Variants in PRKDC observed in about 807,000 individuals in gnomAD.
PRKDC encodes DNA-dependent protein kinase catalytic subunit.
PRKDC carries 82 observed loss-of-function variants against 486.9 expected under a neutral mutation model. The ratio of observed to expected loss-of-function variants is 0.17; its 90% CI spans 0.14 to 0.20. The LOEUF (loss-of-function observed/expected upper bound fraction) is 0.20. Ranked by LOEUF, PRKDC falls within the 10% of genes least tolerant of loss-of-function variation. The pLI, the probability that PRKDC is intolerant of heterozygous loss-of-function variation, is 1.00. For missense variants in PRKDC, 4,504 were observed against 5,038.2 expected (o/e 0.89, Z 3.21); for synonymous variants, 1,895 against 1,837.0 (o/e 1.03, Z -0.81).
At chr8:47,946,321 A>T (rs903841171) in intron 7 of PRKDC, among the ~76,000 whole-genome samples, 1 of 152,060 alleles carries the variant, frequency 6.6e-6, no homozygotes, top group Non-Finnish European at 1.5e-5. Context: ...TGCCTCAAAA[A>T]AAAACCCCTC....
intron 73 of PRKDC, 51 bp downstream of exon 73, chr8:47,798,186 T>A: frequency 6.4e-7 from 1 of 1,566,726 alleles, no homozygotes; most frequent in Non-Finnish European, 8.7e-7. Context: ...AATAAGCGTA[T>A]CTTTAAGTTC....
Position 47,864,630 on chromosome 8 carries a change from G to T in PRKDC, c.5497C>A (p.Leu1833Met). The T allele has an allele frequency of 6.2e-7, 1 of 1,609,886 alleles. No homozygotes were observed. Among genetic ancestry groups the T allele is most frequent in the Non-Finnish European group, 8.5e-7 (1 of 1,178,216 alleles). ...CTGAAGAATTCTCTCAAAGCATCCA[G>T]GCTACAGTGCCACAGCAGAGTGAGG... ...SLLTLLWHCS[L>M]DALREFFSTI... is the part of the protein sequence containing the mutation. Residue 1833 changes from leucine (L) to methionine (M), a missense_variant, in exon 41 of 86, where the codon CTG becomes ATG. Around this residue, in one of 6 missense-constraint regions of PRKDC, gnomAD observed 1,969 missense variants for 2,068.9 expected, o/e 0.95. Transcript: ENST00000314191.
At chr8:47,941,612 C>A (rs1281682559) in intron 10 of PRKDC, among the ~76,000 whole-genome samples, 2 of 152,208 alleles carry the variant, frequency 1.3e-5, no homozygotes, top group African/African-American at 4.8e-5. Flanking sequence ...TTGGTACTTT[C>A]TTCATCTCTG....
intron 74 of PRKDC, among the ~76,000 whole-genome samples, chr8:47,793,397 AGGTG>A (rs1405475617): frequency 6.6e-6 from 1 of 152,126 alleles, no homozygotes; most frequent in Non-Finnish European, 1.5e-5. Context: ...TGGGAGGCCA[AGGTG>A]GGCGGATCAC....
intron 54 of PRKDC, among the ~76,000 whole-genome samples, chr8:47,840,896 C>G (rs932081564): frequency 6.6e-6 from 1 of 152,112 alleles, no homozygotes; most frequent in South Asian, 2.1e-4. Flanking sequence ...ATAGACATAG[C>G]CAGGAGGGCC....
intron 7 of PRKDC, among the ~76,000 whole-genome samples, chr8:47,949,199 C>T (rs1317904700): frequency 6.6e-6 from 1 of 152,182 alleles, no homozygotes; most frequent in East Asian, 1.9e-4. Context: ...ACACCAAGCC[C>T]ATGGGGATGA....
Position 47,878,170 on chromosome 8 carries a change from T to C in PRKDC, c.5236-319A>G, listed in dbSNP as rs376926362. On this transcript the variant is annotated intron_variant, in intron 39 of 85. Transcript: ENST00000314191. Reference sequence around the variant, plus strand: ...CCCAGGCTGGAGTGCAGTGACACGATCTCGGCTCACTGCAAACTCCGCCTC... The same window carrying C: ...CCCAGGCTGGAGTGCAGTGACACGACCTCGGCTCACTGCAAACTCCGCCTC... Among the ~76,000 whole-genome samples, 7 of 149,090 alleles carry C rather than the reference T, an allele frequency of 4.7e-5. No individual in the cohort carries two copies. In the East Asian group the frequency reaches 1.4e-3, roughly 30 times the overall value.
intron 21 of PRKDC, among the ~76,000 whole-genome samples, chr8:47,926,220 G>C (rs533365654): frequency 1.3e-5 from 2 of 152,268 alleles, no homozygotes; most frequent in East Asian, 3.9e-4. Context: ...AATTTTAAAA[G>C]CTATAAAGGT....
chr8:47,939,865 A>G, intron 10 of PRKDC, 168 bp from the exon 11 acceptor site: 1 of 475,432 alleles, frequency 2.1e-6, no homozygotes, highest in Non-Finnish European at 3.4e-6. Flanking sequence ...AGTCTCTATC[A>G]GGTTCAGAAA....
chr8:47,902,577 C>T lies in PRKDC; in HGVS notation c.3261G>A (p.Arg1087=). Residue 1087 remains arginine (R), a synonymous_variant, in exon 27 of 86, where the codon AGG becomes AGA. Coordinates refer to ENST00000314191, the MANE Select transcript of PRKDC (RefSeq NM_006904.7). ...TTGTGTAGCTTACAAACCTGAATTC[C>T]CTGTAGATATTATTAAAGGCAAGTG... ...GASLAFNNIY[R]EFREEESLVE... is the part of the protein sequence containing the mutation. 1 of 1,574,816 alleles carries T rather than the reference C, an allele frequency of 6.3e-7. No homozygotes were observed. Among genetic ancestry groups the T allele is most frequent in the Non-Finnish European group, 8.6e-7 (1 of 1,162,898 alleles).
intron 71 of PRKDC, among the ~76,000 whole-genome samples, chr8:47,800,339 T>A (rs2087077526): frequency 6.6e-6 from 1 of 152,006 alleles, no homozygotes; most frequent in African/African-American, 2.4e-5. Context: ...ATCATCATTC[T>A]CAGTAAACTA....
chr8:47,823,764 G>A, intron 64 of PRKDC, 94 bp downstream of exon 64: 1 of 1,418,660 alleles, frequency 7.0e-7, no homozygotes, highest in Non-Finnish European at 9.8e-7. Flanking sequence ...GAACCAACAA[G>A]GATCTGCTGT....
At chr8:47,843,293 G>C (rs573729369) in intron 54 of PRKDC, among the ~76,000 whole-genome samples, 1 of 152,146 alleles carries the variant, frequency 6.6e-6, no homozygotes, top group South Asian at 2.1e-4. Flanking sequence ...GCTAAGGAAA[G>C]AATCTCAGAG....
chr8:47,927,792 T>C lies in PRKDC; in HGVS notation c.2238A>G (p.Arg746=), dbSNP rs763863609. 2 of 1,574,772 alleles carry C rather than the reference T, an allele frequency of 1.3e-6. No homozygotes were observed. The highest frequency in any genetic ancestry group is 3.9e-5 in the Admixed American group (2 of 51,906). The change falls in exon 20 of 86, where the codon AGA becomes AGG. Residue 746 remains arginine (R), a synonymous_variant. Coordinates refer to ENST00000314191, the MANE Select transcript of PRKDC (RefSeq NM_006904.7). ...LPHNIIELDV[R]AYVPALQMAF... is the part of the protein sequence containing the mutation. Reference sequence around the variant, plus strand: ...CTACCTGCAGTGCAGGAACGTAGGCTCTAACATCGAGTTCAATGATGTTGT... The same window carrying C: ...CTACCTGCAGTGCAGGAACGTAGGCCCTAACATCGAGTTCAATGATGTTGT...
At chr8:47,952,805 A>G (rs966020003) in intron 7 of PRKDC, among the ~76,000 whole-genome samples, 2 of 152,090 alleles carry the variant, frequency 1.3e-5, no homozygotes, top group African/African-American at 4.8e-5. Context: ...TGAGTTTGAG[A>G]ACAGCCTGGC....
intron 25 of PRKDC, among the ~76,000 whole-genome samples, chr8:47,910,643 T>C (rs562146334): frequency 7.9e-5 from 12 of 152,326 alleles, no homozygotes; most frequent in African/African-American, 2.2e-4. Flanking sequence ...CAATTACTCC[T>C]TCAGATTATT....
At chr8:47,923,619 A>G (rs1412935428) in intron 21 of PRKDC, among the ~76,000 whole-genome samples, 1 of 152,202 alleles carries the variant, frequency 6.6e-6, no homozygotes, top group African/African-American at 2.4e-5. Flanking sequence ...ACTCTCAATC[A>G]TTAGTACGTG....
chr8:47,792,254 AT>A lies in PRKDC; in HGVS notation c.10670+2035del, dbSNP rs757370500. 4.4e-3 allele frequency among the ~76,000 whole-genome samples: 619 copies of A among 139,452 alleles called. 1 individual carries two copies. Among genetic ancestry groups the A allele is most frequent in the African/African-American group, 8.5e-3 (322 of 38,062 alleles). The allele number at this position is 139,452 out of a possible 152,430, so 91.5% of individuals were successfully genotyped here. On this transcript the variant is annotated intron_variant, in intron 74 of 85. Coordinates refer to ENST00000314191, the MANE Select transcript of PRKDC (RefSeq NM_006904.7). ...GGCACAACAGGGTGACCACAGTAAA[AT>A]TTTTTTTTTTTTTTTTTTGTTGAGA...
At position 47,886,954 on chromosome 8, in the gene PRKDC, T is replaced by C. The variant is rs8178100; in HGVS notation, c.4572+593A>G. Among the ~76,000 whole-genome samples the C allele has an allele frequency of 3.9e-3, 601 of 152,320 alleles. 4 individuals are homozygous for C. Among genetic ancestry groups the C allele is most frequent in the South Asian group, 0.025 (119 of 4,826 alleles). On this transcript the variant is annotated intron_variant, in intron 35 of 85. Coordinates refer to ENST00000314191, the MANE Select transcript of PRKDC (RefSeq NM_006904.7). ...ATCTGCCTACCCCAGTGTTGTTGCT[T>C]TGAGGATAGTCTATTAAGGGTGAGT...
Sources: allele counts gnomAD v4.1 joint callset (sites outside exome capture counted in the v4.1 genomes callset), GRCh38; gene constraint gnomAD v4.1.1; regional missense constraint gnomAD v4.1.1; transcripts MANE v1.5; gene names NCBI Gene and HGNC (gene_info 2026-07-23, HGNC 2026-07-21).